TRIM27: variants seen among roughly 807,000 people sequenced by gnomAD.
TRIM27 encodes zinc finger protein RFP.
TRIM27 carries 12 observed loss-of-function variants against 57.6 expected under a neutral mutation model. That is an observed-to-expected ratio of 0.21 (90% confidence interval 0.13 to 0.34). The LOEUF (loss-of-function observed/expected upper bound fraction) is 0.34. TRIM27 is among the 10% of genes least tolerant of loss of function. TRIM27 has a pLI of 1.00. For missense variants in TRIM27, 403 were observed against 656.8 expected, an observed-to-expected ratio of 0.61 and a Z score of 4.22; for synonymous variants, 266 against 259.0, an observed-to-expected ratio of 1.03 and a Z score of -0.26.
Position 28,903,107 on chromosome 6 carries a change from T to G in TRIM27, c.*963A>C. The G allele has an allele frequency of 4.3e-6, 1 of 230,968 alleles. No individual in the cohort carries two copies. The highest frequency in any genetic ancestry group is 8.6e-6 in the Non-Finnish European group (1 of 116,662). 14.3% of individuals were successfully genotyped at this position (230,968 alleles called of 1,614,324 possible). On this transcript the variant is annotated 3_prime_UTR_variant, in exon 8 of 8. Transcript: ENST00000377199. ...TTGCTTGAAGTGATCTGCCCCAGCC[T>G]TCTGACTTCAGAGTGTCTCATGATC...
chr6:28,908,782 A>G, intron 6 of TRIM27, 26 bp downstream of exon 6: 2 of 1,612,840 alleles, frequency 1.2e-6, no homozygotes, highest in Non-Finnish European at 1.7e-6. Context: ...CTTTACATCA[A>G]AAGCCCAGTA....
In TRIM27 at chr6:28,923,530, T is replaced by C. The variant is rs1384218101; in HGVS notation, c.103A>G (p.Ile35Val). ...EPMMLDCGHNICCACLARCWG... is the reference protein window; with the variant it reads ...EPMMLDCGHNVCCACLARCWG... Reference sequence around the variant, plus strand: ...CAGCGGGCGAGGCACGCGCAACAGATGTTATGGCCGCAGTCGAGCATCATG... The same window carrying C: ...CAGCGGGCGAGGCACGCGCAACAGACGTTATGGCCGCAGTCGAGCATCATG... Residue 35 changes from isoleucine (I) to valine (V), a missense_variant, in exon 1 of 8, where the codon ATC becomes GTC. Physicochemically the swap from Ile to Val is conservative, Grantham distance 29. Transcript: ENST00000377199. 2 of 1,612,012 alleles carry C rather than the reference T, an allele frequency of 1.2e-6. No individual in the cohort carries two copies. The highest frequency in any genetic ancestry group is 1.7e-6 in the Non-Finnish European group (2 of 1,179,640).
chr6:28,922,109 T>A, intron 1 of TRIM27, 122 bp from the exon 2 acceptor site: 1 of 709,110 alleles, frequency 1.4e-6, no homozygotes, highest in Non-Finnish European at 2.4e-6. Flanking sequence ...CGCTTGTCCT[T>A]AGGCCACACT....
intron 6 of TRIM27, 162 bp downstream of exon 6, chr6:28,908,646 C>A: frequency 1.6e-6 from 1 of 609,558 alleles, no homozygotes. Flanking sequence ...GAACAAGAAG[C>A]TGTTAATTGA....
rs199500910 is a variant in TRIM27 at position 28,908,869 on chromosome 6, G to A, written c.887-29C>T. On this transcript the variant is annotated intron_variant, in intron 5 of 7. Coordinates refer to ENST00000377199, the MANE Select transcript of TRIM27 (RefSeq NM_006510.5). ...AGAAAAGAAAACAAGAAAATATTCAGTCTGCATCCCACTATCTGGCTGGAA... is the reference window on the plus strand; with the variant it reads ...AGAAAAGAAAACAAGAAAATATTCAATCTGCATCCCACTATCTGGCTGGAA... The A allele has an allele frequency of 3.6e-3, 5,837 of 1,612,698 alleles. 14 individuals are homozygous for A. The highest frequency in any genetic ancestry group is 4.6e-3 in the Non-Finnish European group (5,372 of 1,179,006).
At chr6:28,915,897 T>C (rs1172197084) in intron 3 of TRIM27, among the ~76,000 whole-genome samples, 1 of 152,144 alleles carries the variant, frequency 6.6e-6, no homozygotes, top group African/African-American at 2.4e-5. Context: ...CATATATATA[T>C]GTACTGAAAT....
At chr6:28,913,742 G>C (rs568710052) in intron 3 of TRIM27, among the ~76,000 whole-genome samples, 1 of 151,960 alleles carries the variant, frequency 6.6e-6, no homozygotes, top group African/African-American at 2.4e-5. Flanking sequence ...GTCTTTTGCA[G>C]CTTGTCTATT....
chr6:28,919,863 C>A, intron 3 of TRIM27, 149 bp downstream of exon 3: 1 of 673,760 alleles, frequency 1.5e-6, no homozygotes, highest in Admixed American at 3.0e-5. Context: ...ACACAGTTTC[C>A]TTCCAAGGTG....
intron 3 of TRIM27, among the ~76,000 whole-genome samples, chr6:28,912,699 T>A (rs1773296959): frequency 6.6e-6 from 1 of 152,194 alleles, no homozygotes; most frequent in Non-Finnish European, 1.5e-5. Flanking sequence ...TATTTTGCAA[T>A]TATAAAAATG....
At chr6:28,909,949 A>G (rs1773056913) in intron 4 of TRIM27, among the ~76,000 whole-genome samples, 1 of 152,096 alleles carries the variant, frequency 6.6e-6, no homozygotes, top group African/African-American at 2.4e-5. Flanking sequence ...AGTAAGACGT[A>G]TCTCATGGTG....
At chr6:28,915,123 T>A (rs953907334) in intron 3 of TRIM27, 1 of 152,026 alleles carries the variant, frequency 6.6e-6, no homozygotes, top group Non-Finnish European at 1.5e-5. Flanking sequence ...GCCTCCAGTA[T>A]TGCCCCATTA....
At chr6:28,923,167 C>A in intron 1 of TRIM27, 46 bp downstream of exon 1, 1 of 1,501,144 alleles carries the variant, frequency 6.7e-7, no homozygotes, top group Non-Finnish European at 8.9e-7. Context: ...CTCTCTCCTC[C>A]CTTTGTCCGA....
At chr6:28,914,581 T>TG (rs9280508) in intron 3 of TRIM27, among the ~76,000 whole-genome samples, 7,226 of 38,778 alleles carry the variant, frequency 0.19, 455 homozygotes, top group Non-Finnish European at 0.23. Context: ...ATTGCAAGGG[T>TG]GGGGGGGGGG....
intron 3 of TRIM27, among the ~76,000 whole-genome samples, chr6:28,913,250 C>G (rs1347655122): frequency 8.1e-6 from 1 of 123,142 alleles, no homozygotes; most frequent in African/African-American, 3.5e-5. Context: ...AGTGAAACTC[C>G]ATCTCAAAAA....
At chr6:28,913,606 G>C (rs921393943) in intron 3 of TRIM27, among the ~76,000 whole-genome samples, 3 of 152,080 alleles carry the variant, frequency 2.0e-5, no homozygotes, top group Non-Finnish European at 4.4e-5. Flanking sequence ...CGTCAAAAGT[G>C]TATTAAGTTG....
Position 28,904,821 on chromosome 6 carries a change from T to G in TRIM27, c.947-156A>C. 1.7e-6 allele frequency: 1 copy of G among 598,244 alleles called. No individual in the cohort carries two copies. Among genetic ancestry groups the G allele is most frequent in the South Asian group, 2.4e-5 (1 of 41,874 alleles). 37.1% of individuals were successfully genotyped at this position (598,244 alleles called of 1,614,324 possible). On this transcript the variant is annotated intron_variant, in intron 7 of 7. Coordinates refer to ENST00000377199, the MANE Select transcript of TRIM27 (RefSeq NM_006510.5). This position sits in a 1 kb window ranked among gnomAD's most constrained non-coding sequence, Gnocchi z 6.1. ...TATTCTAAACTTCACATTTCAAAAA[T>G]TACTGCTTGGATTAGCTGGTTACCA...
chr6:28,921,864 A>T (rs779138624), intron 2 of TRIM27, 28 bp downstream of exon 2: 1 of 1,572,340 alleles, frequency 6.4e-7, no homozygotes, highest in South Asian at 1.1e-5. Context: ...CACCAGCAGA[A>T]CCAACTGTGA....
chr6:28,903,016 C>T lies in TRIM27; in HGVS notation c.*1054G>A, dbSNP rs1772497470. 1 of 213,396 alleles carries T rather than the reference C, an allele frequency of 4.7e-6. No homozygotes were observed. The highest frequency in any genetic ancestry group is 2.3e-5 in the African/African-American group (1 of 44,168). The allele number at this position is 213,396 out of a possible 1,614,324, so 13.2% of individuals were successfully genotyped here. A position where few individuals can be genotyped will look rare whatever the true frequency, so the allele number is the denominator to read the frequency against. ...CAACAACAATGTAAACATCCATATTCAGTTTATTTTTAAACAGAGGGGCAC... is the reference window on the plus strand; with the variant it reads ...CAACAACAATGTAAACATCCATATTTAGTTTATTTTTAAACAGAGGGGCAC... On this transcript the variant is annotated 3_prime_UTR_variant, in exon 8 of 8. Coordinates refer to ENST00000377199, the MANE Select transcript of TRIM27 (RefSeq NM_006510.5).
At chr6:28,912,355 C>A (rs1773268050) in intron 3 of TRIM27, among the ~76,000 whole-genome samples, 1 of 152,082 alleles carries the variant, frequency 6.6e-6, no homozygotes. Context: ...GGTGATCCAC[C>A]CACCTCGGCC....
Sources: gnomAD v4.1 joint callset for allele counts (sites outside exome capture counted in the v4.1 genomes callset) on GRCh38, gnomAD v4.1.1 for gene constraint, Gnocchi (gnomAD v3.1) non-coding constraint, MANE v1.5 for transcripts, NCBI Gene and HGNC (gene_info 2026-07-23, HGNC 2026-07-21) for gene names.